ZNF469: variants seen among roughly 807,000 people sequenced by gnomAD.
ZNF469 encodes zinc finger protein 469.
A neutral mutation model predicts 1.0 loss-of-function variants in ZNF469; 1 was observed. The observed-to-expected ratio is 1.00, with a 90% CI of 0.35 to 4.73. The LOEUF (loss-of-function observed/expected upper bound fraction) is 4.73, where lower values mean the gene tolerates loss of function less well. ZNF469 is among the 30% of genes most tolerant of loss of function. The pLI, the probability that ZNF469 is intolerant of heterozygous loss-of-function variation, is 0.16. For missense variants in ZNF469, 6,100 were observed against 5,356.3 expected, an observed-to-expected ratio of 1.14 and a Z score of -4.33; for synonymous variants, 2,703 against 2,363.4, an observed-to-expected ratio of 1.14 and a Z score of -4.17.
At chr16:88,153,663 C>T in the ZNF469 span, among the ~76,000 whole-genome samples, 274 of 152,344 alleles carry the variant, frequency 1.8e-3, 1 homozygote, top group African/African-American at 6.4e-3. Context: ...GGCACACAGC[C>T]CCGGGTGCCT....
chr16:88,350,013 C>T, the ZNF469 span, among the ~76,000 whole-genome samples: 1 of 152,126 alleles, frequency 6.6e-6, no homozygotes, highest in African/African-American at 2.4e-5. Context: ...GCACGCACAG[C>T]GTACAGACCA....
At chr16:88,274,963 A>C in the ZNF469 span, among the ~76,000 whole-genome samples, 1 of 152,176 alleles carries the variant, frequency 6.6e-6, no homozygotes. Flanking sequence ...GCTCGCACAC[A>C]TGCCAACACT....
the ZNF469 span, among the ~76,000 whole-genome samples, chr16:88,246,838 G>GGTGAATGAGTGA: frequency 1.3e-5 from 2 of 151,400 alleles, no homozygotes; most frequent in Admixed American, 6.6e-5. Flanking sequence ...GTGAGTGAAT[G>GGTGAATGAGTGA]GTGAATGAGT....
chr16:88,111,395 AC>A, the ZNF469 span, among the ~76,000 whole-genome samples: 1 of 152,172 alleles, frequency 6.6e-6, no homozygotes, highest in Non-Finnish European at 1.5e-5. Flanking sequence ...TCTGTTACAA[AC>A]AAGCCAGTGA....
At chr16:88,120,923 C>G in the ZNF469 span, among the ~76,000 whole-genome samples, 2 of 152,206 alleles carry the variant, frequency 1.3e-5, no homozygotes, top group African/African-American at 4.8e-5. Flanking sequence ...TCTTGGTCCT[C>G]AGCCATGCGG....
At chr16:88,362,839 A>G in the ZNF469 span, among the ~76,000 whole-genome samples, 5 of 152,312 alleles carry the variant, frequency 3.3e-5, no homozygotes, top group South Asian at 6.2e-4. Context: ...TGAGGCTCCA[A>G]TTACACACAT....
the ZNF469 span, among the ~76,000 whole-genome samples, chr16:88,159,036 C>T: frequency 6.6e-6 from 1 of 152,192 alleles, no homozygotes. Context: ...GAGGTGATGT[C>T]TTATCAGTGC....
At chr16:88,208,123 G>A in the ZNF469 span, among the ~76,000 whole-genome samples, 1 of 151,438 alleles carries the variant, frequency 6.6e-6, no homozygotes, top group Non-Finnish European at 1.5e-5. Context: ...GATTTAATGG[G>A]TTATAATCCA....
rs766899690 is a variant in ZNF469 at position 88,432,677 on chromosome 16, G to A, written c.5207G>A (p.Gly1736Glu). ...SKQPGPQLDA[G>E]SLAKCSPDQE... Reference sequence around the variant, plus strand: ...CAGCCTGGCCCACAGCTGGATGCCGGGAGTTTAGCAAAGTGCAGCCCCGAC... The same window carrying A: ...CAGCCTGGCCCACAGCTGGATGCCGAGAGTTTAGCAAAGTGCAGCCCCGAC... Residue 1736 changes from glycine (G) to glutamate (E), a missense_variant, in exon 3 of 3, where the codon GGG becomes GAG. Transcript: ENST00000565624. 1.9e-6 allele frequency: 3 copies of A among 1,550,418 alleles called. No individual in the cohort carries two copies. The highest frequency in any genetic ancestry group is 2.4e-5 in the South Asian group (2 of 84,056).
At chr16:88,278,909 C>G in the ZNF469 span, among the ~76,000 whole-genome samples, 1 of 144,978 alleles carries the variant, frequency 6.9e-6, no homozygotes, top group Non-Finnish European at 1.5e-5. Flanking sequence ...TATCAGTGCA[C>G]GGTTAGTGCT....
chr16:88,276,989 C>A, the ZNF469 span, among the ~76,000 whole-genome samples: 5 of 150,446 alleles, frequency 3.3e-5, no homozygotes, highest in Admixed American at 6.6e-5. Context: ...CGGTCAGTAC[C>A]ATGTAGATAT....
chr16:88,182,843 C>A, the ZNF469 span, among the ~76,000 whole-genome samples: 1 of 151,808 alleles, frequency 6.6e-6, no homozygotes, highest in African/African-American at 2.4e-5. Context: ...GTCAAAGATT[C>A]TTAGATAGGA....
the ZNF469 span, among the ~76,000 whole-genome samples, chr16:88,304,040 G>C: frequency 6.6e-6 from 1 of 152,202 alleles, no homozygotes; most frequent in Admixed American, 6.5e-5. Context: ...GGGCAACTCC[G>C]CAGCTCCTGG....
chr16:88,206,101 T>G, the ZNF469 span, among the ~76,000 whole-genome samples: 1 of 152,180 alleles, frequency 6.6e-6, no homozygotes, highest in African/African-American at 2.4e-5. Flanking sequence ...CCCCGTGTTT[T>G]CCATGATCTC....
chr16:88,412,659 C>T (rs1201547892), intron 1 of ZNF469, among the ~76,000 whole-genome samples: 5 of 152,146 alleles, frequency 3.3e-5, no homozygotes, highest in Admixed American at 1.3e-4. Flanking sequence ...TCACCCACAG[C>T]GATGTCCCCA....
the ZNF469 span, among the ~76,000 whole-genome samples, chr16:88,107,136 A>G: frequency 2.7e-3 from 351 of 131,824 alleles, 2 homozygotes; most frequent in African/African-American, 9.5e-3. Flanking sequence ...AGACAGGCTG[A>G]CTCTGGCCAG....
At chr16:88,195,376 T>G in the ZNF469 span, among the ~76,000 whole-genome samples, 1 of 152,144 alleles carries the variant, frequency 6.6e-6, no homozygotes, top group African/African-American at 2.4e-5. Flanking sequence ...GCTGTGTTCG[T>G]GGGCCCCGCT....
In ZNF469 at chr16:88,424,257, G is replaced by T. The variant is rs1905605836; in HGVS notation, c.-191-550G>T. 6.6e-6 allele frequency among the ~76,000 whole-genome samples: 1 copy of T among 152,212 alleles called. No homozygotes were observed. The highest frequency in any genetic ancestry group is 1.5e-5 in the Non-Finnish European group (1 of 68,032). ...CGGAATGTTGTGGGATTATCTACAGGATATGTTGTTACATGAAAAAAAGGT... is the reference window on the plus strand; with the variant it reads ...CGGAATGTTGTGGGATTATCTACAGTATATGTTGTTACATGAAAAAAAGGT... On this transcript the variant is annotated intron_variant, in intron 1 of 2. Transcript: ENST00000565624. This position sits in a 1 kb window ranked among gnomAD's most constrained non-coding sequence, Gnocchi z 4.3.
At position 88,438,009 on chromosome 16, in the gene ZNF469, G is replaced by T. The variant is rs759998900; in HGVS notation, c.10539G>T (p.Ser3513=). 6.5e-6 allele frequency: 10 copies of T among 1,549,552 alleles called. No homozygotes were observed. The African/African-American group carries it at 1.2e-4, about 19-fold the overall frequency. Residue 3513 remains serine, a synonymous_variant, in exon 3 of 3, where the codon TCG becomes TCT. Coordinates refer to ENST00000565624, the MANE Select transcript of ZNF469 (RefSeq NM_001367624.2). ...TCCCGGCCCTGCTCCACCTGTGTTC[G>T]GAGGTGGCTCCCAGCACCACCAAGG... ...GSLPALLHLC[S]EVAPSTTKGW...
Sources: allele counts gnomAD v4.1 joint callset (sites outside exome capture counted in the v4.1 genomes callset), GRCh38; gene constraint gnomAD v4.1.1; non-coding constraint Gnocchi (gnomAD v3.1); transcripts MANE v1.5; gene names NCBI Gene and HGNC (gene_info 2026-07-23, HGNC 2026-07-21).